SCTR: variants seen among roughly 807,000 people sequenced by gnomAD.
SCTR encodes pancreatic secretin receptor.
Under a neutral mutation model 60.8 loss-of-function variants are expected in SCTR, and 56 were observed. The ratio of observed to expected loss-of-function variants is 0.92; its 90% CI spans 0.74 to 1.15. SCTR has a LOEUF of 1.15. Among genes scored for constraint, SCTR ranks in the 50% most tolerant of loss-of-function variants. SCTR has a pLI of 0.00. For synonymous variants in SCTR, 202 were observed against 217.0 expected (o/e 0.93, Z 0.61); for missense variants, 562 against 550.4 (o/e 1.02, Z -0.21).
intron 2 of SCTR, chr2:119,480,875 AG>A (rs1326459609): frequency 2.0e-5 from 3 of 152,502 alleles, no homozygotes; most frequent in East Asian, 3.9e-4. Context: ...AACATGGTGC[AG>A]GGCAGAGCCC....
intron 4 of SCTR, among the ~76,000 whole-genome samples, chr2:119,472,269 G>A (rs1404724287): frequency 6.6e-6 from 1 of 152,224 alleles, no homozygotes; most frequent in Non-Finnish European, 1.5e-5. Context: ...CCGTGGGGAG[G>A]GGAAGAAAGG....
intron 1 of SCTR, among the ~76,000 whole-genome samples, chr2:119,498,995 T>C (rs987012986): frequency 2.6e-5 from 4 of 152,048 alleles, no homozygotes; most frequent in Non-Finnish European, 4.4e-5. Flanking sequence ...AAACTCACTG[T>C]AAATATAATC....
At chr2:119,449,615 C>G (rs1189806407) in intron 9 of SCTR, among the ~76,000 whole-genome samples, 1 of 152,066 alleles carries the variant, frequency 6.6e-6, no homozygotes, top group East Asian at 1.9e-4. Context: ...GGAAGTTGCC[C>G]ACATGGTAGC....
chr2:119,458,525 C>T (rs562129009), intron 7 of SCTR, among the ~76,000 whole-genome samples: 3 of 151,570 alleles, frequency 2.0e-5, no homozygotes, highest in South Asian at 2.1e-4. Flanking sequence ...GGTGTGAACC[C>T]GGGAGGCGGA....
chr2:119,473,365 G>T, intron 4 of SCTR, 88 bp downstream of exon 4: 1 of 876,298 alleles, frequency 1.1e-6, no homozygotes, highest in Non-Finnish European at 1.9e-6. Flanking sequence ...GTGCCACCCT[G>T]TCCTCTCCCA....
At chr2:119,498,162 A>G (rs1678418464) in intron 1 of SCTR, among the ~76,000 whole-genome samples, 1 of 152,188 alleles carries the variant, frequency 6.6e-6, no homozygotes, top group South Asian at 2.1e-4. Flanking sequence ...AAGGGGGAAA[A>G]CAGTTAAGAT....
chr2:119,484,964 A>G (rs1184196925), intron 2 of SCTR, among the ~76,000 whole-genome samples: 1 of 152,188 alleles, frequency 6.6e-6, no homozygotes, highest in Non-Finnish European at 1.5e-5. Flanking sequence ...GAGGAGAAAC[A>G]GCTGTGGGGG....
At chr2:119,469,878 C>T (rs556921218) in intron 4 of SCTR, among the ~76,000 whole-genome samples, 15 of 152,314 alleles carry the variant, frequency 9.8e-5, no homozygotes, top group African/African-American at 3.6e-4. Flanking sequence ...GTCCTGAATT[C>T]AGTTGCCTCT....
rs73951107 is a variant in SCTR, at chr2:119,459,000, C to T, written c.790+2847G>A. Among the ~76,000 whole-genome samples, 1,519 of 152,308 alleles carry T rather than the reference C, an allele frequency of 1.0e-2. 23 individuals are homozygous for T. Among genetic ancestry groups the T allele is most frequent in the African/African-American group, 0.034 (1,416 of 41,552 alleles). On this transcript the variant is annotated intron_variant, in intron 7 of 12. Coordinates refer to ENST00000019103, the MANE Select transcript of SCTR (RefSeq NM_002980.3). ...TCTGGATACAGACTCACACCTCAGCCGCTCTGAAAAAGTCAAAGCTTTGGG... is the reference window on the plus strand; with the variant it reads ...TCTGGATACAGACTCACACCTCAGCTGCTCTGAAAAAGTCAAAGCTTTGGG...
At chr2:119,467,751 T>C (rs1683898619) in intron 4 of SCTR, among the ~76,000 whole-genome samples, 1 of 152,200 alleles carries the variant, frequency 6.6e-6, no homozygotes, top group Non-Finnish European at 1.5e-5. Context: ...TTATTTCAAA[T>C]ACAAATTACT....
chr2:119,519,168 T>C (rs1258422282), intron 1 of SCTR, among the ~76,000 whole-genome samples: 1 of 152,082 alleles, frequency 6.6e-6, no homozygotes, highest in African/African-American at 2.4e-5. Flanking sequence ...TTCTCCATGT[T>C]GGTCGGACTG....
chr2:119,447,008 C>G (rs1054485601), intron 10 of SCTR, 123 bp from the exon 11 acceptor site: 6 of 1,052,992 alleles, frequency 5.7e-6, no homozygotes, highest in Admixed American at 3.6e-5. Flanking sequence ...AGCAGTACCC[C>G]AAACTTTTTT....
At chr2:119,446,542 C>T (rs1044479969) in intron 11 of SCTR, among the ~76,000 whole-genome samples, 8 of 152,142 alleles carry the variant, frequency 5.3e-5, no homozygotes, top group African/African-American at 1.9e-4. Context: ...TGAAGTCAGT[C>T]TCTCTGTCTC....
At chr2:119,450,706 A>C (rs1683129340) in intron 9 of SCTR, among the ~76,000 whole-genome samples, 1 of 152,098 alleles carries the variant, frequency 6.6e-6, no homozygotes. Context: ...ACAGTGGTTC[A>C]CACCTGCAAT....
chr2:119,481,092 C>T (rs995446533), intron 2 of SCTR, among the ~76,000 whole-genome samples: 2 of 152,258 alleles, frequency 1.3e-5, no homozygotes, highest in African/African-American at 4.8e-5. Flanking sequence ...CTGGCCTCCC[C>T]AGGCCTGTTC....
intron 11 of SCTR, among the ~76,000 whole-genome samples, chr2:119,445,175 A>G (rs1051814345): frequency 6.6e-6 from 1 of 152,044 alleles, no homozygotes; most frequent in South Asian, 2.1e-4. Context: ...ATGGCCAGGC[A>G]GACCCGGGTC....
At chr2:119,453,552 C>G (rs1040277974) in intron 7 of SCTR, among the ~76,000 whole-genome samples, 1 of 152,200 alleles carries the variant, frequency 6.6e-6, no homozygotes, top group Non-Finnish European at 1.5e-5. Flanking sequence ...GCCCTGGGGA[C>G]TATGGCAGAA....
In SCTR at chr2:119,518,885, A is replaced by C. The variant is rs1338803837; in HGVS notation, c.72+5270T>G. Among the ~76,000 whole-genome samples, 5 of 152,276 alleles carry C rather than the reference A, an allele frequency of 3.3e-5. No individual in the cohort carries two copies. In the East Asian group the frequency reaches 9.7e-4, roughly 29 times the overall value. The stretch of plus-strand genomic sequence containing the variant: ...ATGGTAGGAAATCTGGGGACTTCCC[A>C]ACCTGGGTGGGGATCATGAGGACAG... On this transcript the variant is annotated intron_variant, in intron 1 of 12. Transcript: ENST00000019103.
chr2:119,463,219 C>T (rs1161140771), intron 6 of SCTR, among the ~76,000 whole-genome samples: 1 of 152,202 alleles, frequency 6.6e-6, no homozygotes, highest in Admixed American at 6.5e-5. Context: ...AACTCTATCA[C>T]CCTGCTTCCT....
Sources: allele counts gnomAD v4.1 joint callset (sites outside exome capture counted in the v4.1 genomes callset), GRCh38; gene constraint gnomAD v4.1.1; transcripts MANE v1.5; gene names NCBI Gene and HGNC (gene_info 2026-07-23, HGNC 2026-07-21).